The following CPAMD8 variants were observed in gnomAD, a reference collection of about 807,000 sequenced individuals.
CPAMD8 encodes C3 and PZP like alpha-2-macroglobulin domain containing 8, also known as C3 and PZP-like alpha-2-macroglobulin domain-containing protein 8.
A neutral mutation model predicts 224.7 loss-of-function variants in CPAMD8; 146 were observed. The ratio of observed to expected loss-of-function variants is 0.65; its 90% CI spans 0.57 to 0.75. CPAMD8 has a LOEUF of 0.75. Ranked by LOEUF, CPAMD8 falls within the 30% of genes least tolerant of loss-of-function variation. The pLI is 0.00. For missense variants in CPAMD8, 2,301 were observed against 2,537.5 expected, an observed-to-expected ratio of 0.91 and a Z score of 2.00; for synonymous variants, 966 against 1,044.6, an observed-to-expected ratio of 0.92 and a Z score of 1.45.
chr19:16,979,447 A>AATCCACCCATTAATCTATC (rs55893095), intron 14 of CPAMD8, among the ~76,000 whole-genome samples: 1 of 132,890 alleles, frequency 7.5e-6, no homozygotes, highest in Non-Finnish European at 1.7e-5. Context: ...TCCATCTATC[A>AATCCACCCATTAATCTATC]ATCCACCCAT....
chr19:16,928,911 T>C, intron 24 of CPAMD8, 31 bp downstream of exon 24: 3 of 1,544,504 alleles, frequency 1.9e-6, no homozygotes, highest in Non-Finnish European at 2.6e-6. Context: ...ATGAGGCTTC[T>C]GCACAAGCCC....
At chr19:16,914,343 C>T (rs757982612) in intron 29 of CPAMD8, 81 bp downstream of exon 29, 35 of 1,149,250 alleles carry the variant, frequency 3.0e-5, no homozygotes, top group Admixed American at 1.8e-4. Flanking sequence ...GAAGAAATCA[C>T]CCCTGGCATA....
At chr19:16,987,152 CAAAAAAAAAAAA>C (rs1214757739) in intron 13 of CPAMD8, among the ~76,000 whole-genome samples, 1 of 23,012 alleles carries the variant, frequency 4.3e-5, no homozygotes, top group Non-Finnish European at 8.4e-5. Flanking sequence ...GAGACTCTGT[CAAAAAAAAAAAA>C]AAAAAAAAAA....
At chr19:16,992,547 G>A (rs532699515) in intron 12 of CPAMD8, among the ~76,000 whole-genome samples, 123 of 152,200 alleles carry the variant, frequency 8.1e-4, no homozygotes, top group Middle Eastern at 3.4e-3. Flanking sequence ...CACCTCCCGG[G>A]TTCAAGCAAT....
At chr19:16,998,015 A>G (rs1450360746) in intron 10 of CPAMD8, among the ~76,000 whole-genome samples, 3 of 152,326 alleles carry the variant, frequency 2.0e-5, no homozygotes, top group South Asian at 4.1e-4. Context: ...AGAGCTGTGG[A>G]GTAAATTACT....
intron 26 of CPAMD8, among the ~76,000 whole-genome samples, chr19:16,922,584 C>T (rs559318064): frequency 3.1e-4 from 44 of 143,148 alleles, no homozygotes; most frequent in Admixed American, 1.1e-3. Context: ...CTGGGGTCCC[C>T]GAAACTGCTC....
chr19:16,937,045 CTTCCT>C (rs2053710516), intron 23 of CPAMD8, among the ~76,000 whole-genome samples: 1 of 134,360 alleles, frequency 7.4e-6, no homozygotes, highest in South Asian at 2.5e-4. Flanking sequence ...TCCTTTCTCC[CTTCCT>C]TCCTTCCCTC....
rs990433064 is a variant in CPAMD8 at position 16,932,730 on chromosome 19, G to A, written c.2846-3490C>T. On this transcript the variant is annotated intron_variant, in intron 23 of 41. Coordinates refer to ENST00000443236, the MANE Select transcript of CPAMD8 (RefSeq NM_015692.5). The stretch of plus-strand genomic sequence containing the variant: ...AAGTAACCAAATACTCAAAATTTTG[G>A]TGTCCCAGAAAGTGAAGAAAAAACA... 2.0e-5 allele frequency among the ~76,000 whole-genome samples: 3 copies of A among 152,144 alleles called. No individual in the cohort carries two copies. In the East Asian group the frequency reaches 5.8e-4, roughly 29 times the overall value.
At chr19:16,990,359 A>T (rs1056891898) in intron 12 of CPAMD8, among the ~76,000 whole-genome samples, 11 of 151,924 alleles carry the variant, frequency 7.2e-5, no homozygotes, top group Non-Finnish European at 1.3e-4. Context: ...AGGTGTGAGG[A>T]TCACTTGGGC....
At chr19:16,901,087 A>C in intron 36 of CPAMD8, 123 bp downstream of exon 36, 2 of 601,248 alleles carry the variant, frequency 3.3e-6, no homozygotes, top group Non-Finnish European at 6.0e-6. Flanking sequence ...GGGAGAGGGA[A>C]GAAAAGAATA....
At chr19:16,953,638 G>C (rs1475675120) in intron 19 of CPAMD8, among the ~76,000 whole-genome samples, 1 of 138,680 alleles carries the variant, frequency 7.2e-6, no homozygotes, top group Non-Finnish European at 1.5e-5. Flanking sequence ...GGGTGACAGA[G>C]TGAGACCTTG....
chr19:17,024,959 C>G (rs925447149), intron 1 of CPAMD8, among the ~76,000 whole-genome samples: 7 of 152,250 alleles, frequency 4.6e-5, no homozygotes, highest in Admixed American at 1.3e-4. Context: ...AACCATGCCC[C>G]TGGCTTAGAG....
intron 13 of CPAMD8, 74 bp downstream of exon 13, chr19:16,989,569 G>A: frequency 2.6e-6 from 4 of 1,547,592 alleles, no homozygotes; most frequent in Non-Finnish European, 3.5e-6. Context: ...TTACAGGCAT[G>A]AGCCACAGCA....
chr19:16,905,967 GGAAGCGAGACCCAAC>G (rs1472256089), intron 30 of CPAMD8, among the ~76,000 whole-genome samples: 4 of 152,040 alleles, frequency 2.6e-5, no homozygotes, highest in Non-Finnish European at 2.9e-5. Context: ...AGGGAAGGGT[GGAAGCGAGACCCAAC>G]CCTCCCCTGT....
At position 16,927,575 on chromosome 19, in the gene CPAMD8, G is replaced by A. The variant is rs150732611; in HGVS notation, c.3370+434C>T. 4.4e-3 allele frequency among the ~76,000 whole-genome samples: 674 copies of A among 152,102 alleles called. 2 individuals carry two copies. The highest frequency in any genetic ancestry group is 0.014 in the Middle Eastern group (4 of 294). Reference sequence around the variant, plus strand: ...CCCCTACTCAGCAACTGCTCCGGACGCCTGCCCCATCACCAAGACCCCCCA... The same window carrying A: ...CCCCTACTCAGCAACTGCTCCGGACACCTGCCCCATCACCAAGACCCCCCA... On this transcript the variant is annotated intron_variant, in intron 25 of 41. Coordinates refer to ENST00000443236, the MANE Select transcript of CPAMD8 (RefSeq NM_015692.5).
chr19:16,947,216 C>T lies in CPAMD8; in HGVS notation c.2520G>A (p.Lys840=). Residue 840 remains lysine, a synonymous_variant, in exon 21 of 42, where the codon AAG becomes AAA. Coordinates refer to ENST00000443236, the MANE Select transcript of CPAMD8 (RefSeq NM_015692.5). ...ACTGGATGCCCTTGGGAACCGAGAG[C>T]TTCATGTACACCTGCAGAGGGTGGC... ...YMGTCAEVYM[K]LSVPKGIQFV... 2 of 1,612,320 alleles carry T rather than the reference C, an allele frequency of 1.2e-6. No homozygotes were observed. The highest frequency in any genetic ancestry group is 1.7e-6 in the Non-Finnish European group (2 of 1,179,078).
intron 16 of CPAMD8, 53 bp from the exon 17 acceptor site, chr19:16,975,311 A>G: frequency 6.7e-7 from 1 of 1,491,136 alleles, no homozygotes; most frequent in Non-Finnish European, 9.2e-7. Context: ...TTTACAACCC[A>G]AACTGGCTCC....
chr19:16,926,432 C>T (rs1033561616), intron 25 of CPAMD8, among the ~76,000 whole-genome samples: 4 of 152,166 alleles, frequency 2.6e-5, no homozygotes, highest in African/African-American at 9.7e-5. Flanking sequence ...ATTCTCCTGC[C>T]TCAGCCTCCC....
chr19:17,025,438 AAAACAAC>A (rs765549766), intron 1 of CPAMD8, among the ~76,000 whole-genome samples: 12 of 152,100 alleles, frequency 7.9e-5, no homozygotes, highest in South Asian at 2.1e-4. Context: ...ACAAACCCCA[AAAACAAC>A]AAACAACAAA....
Sources: gnomAD v4.1 joint callset for allele counts (sites outside exome capture counted in the v4.1 genomes callset) on GRCh38, gnomAD v4.1.1 for gene constraint, MANE v1.5 for transcripts, NCBI Gene and HGNC (gene_info 2026-07-23, HGNC 2026-07-21) for gene names.